Variants in ARHGEF40 observed in about 807,000 individuals in gnomAD.
ARHGEF40 encodes the protein Rho guanine nucleotide exchange factor 40, also known as Rho guanine nucleotide exchange factor (GEF) 40.
A neutral mutation model predicts 165.9 loss-of-function variants in ARHGEF40; 98 were observed. The observed-to-expected ratio is 0.59, with a 90% CI of 0.50 to 0.70. The LOEUF is 0.70. ARHGEF40 is among the 30% of genes least tolerant of loss of function. The pLI, the probability that ARHGEF40 is intolerant of heterozygous loss-of-function variation, is 0.00. For synonymous variants in ARHGEF40, 792 were observed against 814.3 expected, an observed-to-expected ratio of 0.97 and a Z score of 0.47; for missense variants, 1,815 against 1,968.0, an observed-to-expected ratio of 0.92 and a Z score of 1.47.
chr14:21,076,276 A>C, intron 5 of ARHGEF40, 84 bp from the exon 6 acceptor site: 1 of 1,152,096 alleles, frequency 8.7e-7, no homozygotes, highest in Non-Finnish European at 1.3e-6. Flanking sequence ...AACTAAAAAC[A>C]GACCCCGTAT....
chr14:21,080,960 G>C lies in ARHGEF40; in HGVS notation c.2584G>C (p.Glu862Gln). Residue 862 changes from glutamate (E) to glutamine (Q), a missense_variant, in exon 13 of 24, where the codon GAG becomes CAG. Transcript: ENST00000298694. Reference protein sequence around the residue: ...KVLDIFEQRLEQVESGLHRAL... With the variant: ...KVLDIFEQRLQQVESGLHRAL... ...GCTGGATATCTTTGAACAGCGGCTGGAGCAGGTTGAGAGTGGCCTCCATCG... is the reference window on the plus strand; with the variant it reads ...GCTGGATATCTTTGAACAGCGGCTGCAGCAGGTTGAGAGTGGCCTCCATCG... The C allele has an allele frequency of 1.2e-6, 2 of 1,614,210 alleles. No homozygotes were observed. Among genetic ancestry groups the C allele is most frequent in the Non-Finnish European group, 1.7e-6 (2 of 1,180,030 alleles).
At chr14:21,087,221 ACTGG>A in intron 20 of ARHGEF40, 95 bp from the exon 21 acceptor site, 2 of 1,577,494 alleles carry the variant, frequency 1.3e-6, no homozygotes, top group Non-Finnish European at 1.7e-6. Context: ...AATCAGTGGG[ACTGG>A]CTGGGAGGCC....
At position 21,083,764 on chromosome 14, in the gene ARHGEF40, C is replaced by T. The variant is rs2274681; in HGVS notation, c.3574-71C>T. The T allele has an allele frequency of 5.7e-5, 82 of 1,444,314 alleles. 2 individuals are homozygous for T. The East Asian group carries it at 1.8e-3, about 33-fold the overall frequency. 89.5% of individuals were successfully genotyped at this position (1,444,314 alleles called of 1,614,324 possible). ...AAAGCCTAGGGTATCACCCACCTAC[C>T]CCCCAACCCCTGAGCTTGGCCCCCA... On this transcript the variant is annotated intron_variant, in intron 16 of 23. Coordinates refer to ENST00000298694, the MANE Select transcript of ARHGEF40 (RefSeq NM_018071.5).
intron 11 of ARHGEF40, among the ~76,000 whole-genome samples, chr14:21,079,539 T>G (rs568911177): frequency 3.9e-5 from 6 of 152,250 alleles, no homozygotes; most frequent in African/African-American, 1.2e-4. Flanking sequence ...CTCTGAACCT[T>G]GATTCTTCTC....
In ARHGEF40 at chr14:21,076,584, G is replaced by C. The variant is rs1379966328; in HGVS notation, c.1858G>C (p.Val620Leu). 1.2e-6 allele frequency: 2 copies of C among 1,614,194 alleles called. No individual in the cohort carries two copies. The highest frequency in any genetic ancestry group is 2.7e-5 in the African/African-American group (2 of 75,036). The part of the protein sequence containing the change: ...QLQDSGDPPL[V>L]QRLLILIHDD... ...TTAGGACTCAGGAGATCCTCCCCTT[G>C]TTCAGCGGCTGCTGATTCTCATTCA... The change falls in exon 7 of 24, where the codon GTT (valine) becomes CTT (leucine). Residue 620 changes from valine (V) to leucine (L), a missense_variant. By Grantham distance (32) the Val-to-Leu change is conservative. Transcript: ENST00000298694.
chr14:21,085,779 A>G lies in ARHGEF40; in HGVS notation c.4051A>G (p.Thr1351Ala), dbSNP rs1202200875. 1.2e-6 allele frequency: 2 copies of G among 1,614,130 alleles called. No homozygotes were observed. Among genetic ancestry groups the G allele is most frequent in the Non-Finnish European group, 1.7e-6 (2 of 1,180,032 alleles). Reference protein sequence around the residue: ...FRRRRAREAYTLQATSPEIKL... With the variant: ...FRRRRAREAYALQATSPEIKL... ...GCGGCGGCGTGCACGAGAGGCATAC[A>G]CTCTGCAGGCAACCTCACCAGAGAT... Residue 1351 changes from threonine to alanine, a missense_variant, in exon 19 of 24, where the codon ACT becomes GCT. Transcript: ENST00000298694.
intron 14 of ARHGEF40, 60 bp downstream of exon 14, chr14:21,082,179 G>A: frequency 6.4e-7 from 1 of 1,569,292 alleles, no homozygotes; most frequent in Non-Finnish European, 8.7e-7. Flanking sequence ...AGGAAAAGAA[G>A]ATGACATTGT....
chr14:21,074,581 G>T lies in ARHGEF40; in HGVS notation c.851G>T (p.Arg284Leu). The T allele has an allele frequency of 2.6e-6, 4 of 1,559,254 alleles. No individual in the cohort carries two copies. The highest frequency in any genetic ancestry group is 2.6e-6 in the Non-Finnish European group (3 of 1,152,512). ...GGCGCTGGAGGGAAGGGCCGCCACC[G>T]GAGACACCGGGCGTGGATGCACCAG... ...RKGAGGKGRH[R>L]RHRAWMHQKG... The change falls in exon 3 of 24, where the codon CGG becomes CTG. Residue 284 changes from arginine to leucine, a missense_variant. Transcript: ENST00000298694. This position sits in a 1 kb window ranked among gnomAD's most constrained non-coding sequence, Gnocchi z 4.8.
Position 21,072,927 on chromosome 14 carries a change from TGCCCACA to T in ARHGEF40, c.4-117_4-111del. On this transcript the variant is annotated intron_variant, in intron 1 of 23. Coordinates refer to ENST00000298694, the MANE Select transcript of ARHGEF40 (RefSeq NM_018071.5). The surrounding 1 kb of genome is among the most constrained non-coding windows in gnomAD (Gnocchi z 4.1). ...CAGCATTTCCTGAGTGCTCACTTTT[TGCCCACA>T]TTGTACAATCGGGGCTTTGGAGAAC... 7 of 1,040,042 alleles carry T rather than the reference TGCCCACA, an allele frequency of 6.7e-6. No individual in the cohort carries two copies. The Admixed American group carries it at 8.9e-5, about 13-fold the overall frequency. 64.4% of individuals were successfully genotyped at this position (1,040,042 alleles called of 1,614,324 possible). A position where few individuals can be genotyped will look rare whatever the true frequency, so the allele number is the denominator to read the frequency against.
Position 21,087,926 on chromosome 14 carries a change from G to A in ARHGEF40, c.4388-42G>A, listed in dbSNP as rs778890006. On this transcript the variant is annotated intron_variant, in intron 21 of 23. Transcript: ENST00000298694. ...CAGCTTGGTTGCTTAAGGTAATCTG[G>A]AGGGATTCTGTACTCTGCTCTCACC... is the stretch of plus-strand genomic sequence containing the variant. 7 of 1,612,096 alleles carry A rather than the reference G, an allele frequency of 4.3e-6. No individual in the cohort carries two copies. The Admixed American group carries it at 1.2e-4, about 27-fold the overall frequency.
At chr14:21,087,896 T>G in intron 21 of ARHGEF40, 72 bp from the exon 22 acceptor site, 1 of 1,601,814 alleles carries the variant, frequency 6.2e-7, no homozygotes, top group South Asian at 1.1e-5. Context: ...TCTTCCCTGA[T>G]GGAGCAGCTT....
rs765978990 is a variant in ARHGEF40, at chr14:21,082,321, C to T, written c.3329C>T (p.Pro1110Leu). ...GCCACCTTGAGTGAGCCAGTGCCAC[C>T]CCCTGGGCCTGAGCTGACGCCTGAA... ...YVATLSEPVP[P>L]PGPELTPELR... The change falls in exon 15 of 24, where the codon CCC (proline) becomes CTC (leucine). Residue 1110 changes from proline to leucine, a missense_variant. Transcript: ENST00000298694. The T allele has an allele frequency of 6.2e-7, 1 of 1,612,976 alleles. No homozygotes were observed. Among genetic ancestry groups the T allele is most frequent in the Non-Finnish European group, 8.5e-7 (1 of 1,179,806 alleles).
intron 15 of ARHGEF40, among the ~76,000 whole-genome samples, 174 bp from the exon 16 acceptor site, chr14:21,082,657 A>G (rs2139252263): frequency 6.6e-6 from 1 of 152,284 alleles, no homozygotes; most frequent in African/African-American, 2.4e-5. Context: ...CCTGCTCTCA[A>G]GAGCTGCCTG....
At position 21,076,783 on chromosome 14, in the gene ARHGEF40, G is replaced by A. The variant is rs1010832906; in HGVS notation, c.1927G>A (p.Val643Met). 38 of 1,613,998 alleles carry A rather than the reference G, an allele frequency of 2.4e-5. No homozygotes were observed. The highest frequency in any genetic ancestry group is 3.1e-5 in the Non-Finnish European group (36 of 1,180,032). ...GCCTTACCCTCTACAGGGTGCTGAG[G>A]TGCTGTCAGAGAATGATCTGAAAAG... The part of the protein sequence containing the change: ...TELCGFQGAE[V>M]LSENDLKRVA... Residue 643 changes from valine (V) to methionine (M), a missense_variant, in exon 8 of 24, where the codon GTG (valine) becomes ATG (methionine). By Grantham distance (21) the Val-to-Met change is conservative. Transcript: ENST00000298694.
rs1383307091 is a variant in ARHGEF40 at position 21,073,347 on chromosome 14, C to T, written c.201+105C>T. The T allele has an allele frequency of 1.6e-6, 2 of 1,247,454 alleles. No individual in the cohort carries two copies. Among genetic ancestry groups the T allele is most frequent in the African/African-American group, 3.0e-5 (2 of 66,744 alleles). 77.3% of individuals were successfully genotyped at this position (1,247,454 alleles called of 1,614,324 possible). A position where few individuals can be genotyped will look rare whatever the true frequency, so the allele number is the denominator to read the frequency against. ...CCCCACTAACCTAGAGATACAGCCT[C>T]CCTTGAAACCGATCTCTCCAGAATC... On this transcript the variant is annotated intron_variant, in intron 2 of 23. Coordinates refer to ENST00000298694, the MANE Select transcript of ARHGEF40 (RefSeq NM_018071.5). This position sits in a 1 kb window ranked among gnomAD's most constrained non-coding sequence, Gnocchi z 4.6.
In ARHGEF40 at chr14:21,090,130, C is replaced by A; in HGVS notation, c.*1122C>A. ...GGACACGACTCTGCAATAGGGATGACAGGAATCGTACCAAAAATAGCGACG... is the reference window on the plus strand; with the variant it reads ...GGACACGACTCTGCAATAGGGATGAAAGGAATCGTACCAAAAATAGCGACG... On this transcript the variant is annotated 3_prime_UTR_variant, in exon 24 of 24. Transcript: ENST00000298694. This position sits in a 1 kb window ranked among gnomAD's most constrained non-coding sequence, Gnocchi z 4.4. 1 of 449,694 alleles carries A rather than the reference C, an allele frequency of 2.2e-6. No individual in the cohort carries two copies. The allele number at this position is 449,694 out of a possible 1,614,324, so 27.9% of individuals were successfully genotyped here.
chr14:21,078,975 C>G lies in ARHGEF40; in HGVS notation c.2338C>G (p.Gln780Glu). Reference protein sequence around the residue: ...VRLSNLHVQQQEQRQCLRRLQ... With the variant: ...VRLSNLHVQQEEQRQCLRRLQ... ...CCTCTCCAACCTGCACGTGCAGCAG[C>G]AAGAGCAGCGGCAGTGCCTGCGGCG... The change falls in exon 11 of 24, where the codon CAA (glutamine) becomes GAA (glutamate). Residue 780 changes from glutamine to glutamate, a missense_variant. Transcript: ENST00000298694. The G allele has an allele frequency of 6.2e-7, 1 of 1,614,118 alleles. No homozygotes were observed. Among genetic ancestry groups the G allele is most frequent in the South Asian group, 1.1e-5 (1 of 91,090 alleles).
chr14:21,070,642 C>T lies in ARHGEF40; in HGVS notation c.3+243C>T, dbSNP rs1886688252. 6.6e-6 allele frequency among the ~76,000 whole-genome samples: 1 copy of T among 152,100 alleles called. No homozygotes were observed. The highest frequency in any genetic ancestry group is 1.5e-5 in the Non-Finnish European group (1 of 68,002). On this transcript the variant is annotated intron_variant, in intron 1 of 23. Coordinates refer to ENST00000298694, the MANE Select transcript of ARHGEF40 (RefSeq NM_018071.5). This position sits in a 1 kb window ranked among gnomAD's most constrained non-coding sequence, Gnocchi z 4.7. Reference sequence around the variant, plus strand: ...TCCTCCGCCTCCTCCCCCATCCTCCCTTGGGTCTCTCCCCTAATCCACACA... The same window carrying T: ...TCCTCCGCCTCCTCCCCCATCCTCCTTTGGGTCTCTCCCCTAATCCACACA...
chr14:21,065,589 A>C (rs1435719211), upstream of ARHGEF40, among the ~76,000 whole-genome samples: 1 of 152,232 alleles, frequency 6.6e-6, no homozygotes, highest in Non-Finnish European at 1.5e-5. Context: ...AATACAACAG[A>C]ATAACATTAT....
Sources: allele counts gnomAD v4.1 joint callset (sites outside exome capture counted in the v4.1 genomes callset), GRCh38; gene constraint gnomAD v4.1.1; non-coding constraint Gnocchi (gnomAD v3.1); transcripts MANE v1.5; gene names NCBI Gene and HGNC (gene_info 2026-07-23, HGNC 2026-07-21).